OR1L6: variants seen among roughly 807,000 people sequenced by gnomAD.
OR1L6 encodes olfactory receptor 1L6.
A neutral mutation model predicts 3.0 loss-of-function variants in OR1L6; 2 were observed. That is an observed-to-expected ratio of 0.68 (90% CI 0.28 to 2.13). The LOEUF is 2.13. OR1L6 is among the 30% of genes most tolerant of loss of function. OR1L6 has a pLI of 0.14. For missense variants in OR1L6, 304 were observed against 378.4 expected, an observed-to-expected ratio of 0.80 and a Z score of 1.63; for synonymous variants, 121 against 148.4, an observed-to-expected ratio of 0.82 and a Z score of 1.34.
chr9:122,744,817 C>A (rs539333795), intron 1 of OR1L6, among the ~76,000 whole-genome samples: 6 of 152,312 alleles, frequency 3.9e-5, no homozygotes, highest in African/African-American at 1.4e-4. Context: ...TACATGTGTG[C>A]ACCATCATCT....
intron 1 of OR1L6, among the ~76,000 whole-genome samples, chr9:122,745,045 C>T (rs188442602): frequency 1.6e-4 from 24 of 152,242 alleles, no homozygotes; most frequent in African/African-American, 5.5e-4. Flanking sequence ...AAATGTGGAA[C>T]GAACCCAAAG....
chr9:122,744,864 A>C (rs1289207869), intron 1 of OR1L6, among the ~76,000 whole-genome samples: 1 of 152,190 alleles, frequency 6.6e-6, no homozygotes, highest in Non-Finnish European at 1.5e-5. Flanking sequence ...GGCATGAGGA[A>C]AATACATGAT....
chr9:122,746,783 G>A (rs973070541), intron 1 of OR1L6, among the ~76,000 whole-genome samples: 7 of 152,050 alleles, frequency 4.6e-5, no homozygotes, highest in Non-Finnish European at 1.0e-4. Context: ...AGTGAGAATT[G>A]AATTTCAGTC....
chr9:122,743,705 G>A (rs777012849), intron 1 of OR1L6, among the ~76,000 whole-genome samples: 14 of 152,306 alleles, frequency 9.2e-5, no homozygotes, highest in Non-Finnish European at 1.6e-4. Context: ...TTCAAGATCT[G>A]ACAAAGCTGT....
chr9:122,748,737 T>C (rs1186214143), intron 1 of OR1L6, among the ~76,000 whole-genome samples: 1 of 152,196 alleles, frequency 6.6e-6, no homozygotes, highest in Admixed American at 6.5e-5. Flanking sequence ...CTCACAATGA[T>C]CCTATGTATA....
chr9:122,749,993 C>T lies in OR1L6; in HGVS notation c.146C>T (p.Ala49Val), dbSNP rs1385908598. ...AAVGNVLIIP[A>V]IYSDPRLHTP... is the part of the protein sequence containing the mutation. Reference sequence around the variant, plus strand: ...GTGGGGAATGTGCTCATCATCCCGGCCATCTACTCTGACCCCAGGCTCCAC... The same window carrying T: ...GTGGGGAATGTGCTCATCATCCCGGTCATCTACTCTGACCCCAGGCTCCAC... The change falls in exon 2 of 2, where the codon GCC (alanine) becomes GTC (valine). Residue 49 changes from alanine (A) to valine (V), a missense_variant. Physicochemically the swap from Ala to Val is moderately conservative, Grantham distance 64. Coordinates refer to ENST00000304720, the MANE Select transcript of OR1L6 (RefSeq NM_001004453.3). The T allele has an allele frequency of 1.2e-6, 2 of 1,614,042 alleles. No homozygotes were observed. The highest frequency in any genetic ancestry group is 1.7e-6 in the Non-Finnish European group (2 of 1,180,048).
chr9:122,745,042 G>C (rs1050537849), intron 1 of OR1L6, among the ~76,000 whole-genome samples: 7 of 152,182 alleles, frequency 4.6e-5, no homozygotes, highest in Non-Finnish European at 2.9e-5. Context: ...AGGAAATGTG[G>C]AACGAACCCA....
Position 122,750,253 on chromosome 9 carries a change from G to A in OR1L6, c.406G>A (p.Val136Ile), listed in dbSNP as rs991501205. 1 of 1,614,090 alleles carries A rather than the reference G, an allele frequency of 6.2e-7. No individual in the cohort carries two copies. Among genetic ancestry groups the A allele is most frequent in the Admixed American group, 1.7e-5 (1 of 60,006 alleles). The change falls in exon 2 of 2, where the codon GTT (valine) becomes ATT (isoleucine). Residue 136 changes from valine to isoleucine, a missense_variant. This residue lies in a region of OR1L6 where 192 missense variants were observed against 242.7 expected (regional missense o/e 0.79). Transcript: ENST00000304720. ...AICNPLHYDVVMKPRHCLLML... is the reference protein window; with the variant it reads ...AICNPLHYDVIMKPRHCLLML... ...CTGCAACCCCTTACACTATGATGTG[G>A]TTATGAAACCACGGCATTGCCTGCT...
At chr9:122,749,469 T>C (rs913640770) in intron 1 of OR1L6, among the ~76,000 whole-genome samples, 23 of 152,340 alleles carry the variant, frequency 1.5e-4, no homozygotes, top group African/African-American at 5.5e-4. Context: ...GTTGGATTTT[T>C]ACTACCTGTT....
chr9:122,750,749 G>C lies in OR1L6; in HGVS notation c.902G>C (p.Gly301Ala). 1 of 1,610,388 alleles carries C rather than the reference G, an allele frequency of 6.2e-7. No individual in the cohort carries two copies. Among genetic ancestry groups the C allele is most frequent in the Non-Finnish European group, 8.5e-7 (1 of 1,178,976 alleles). The change falls in exon 2 of 2, where the codon GGT (glycine) becomes GCT (alanine). Residue 301 changes from glycine to alanine, a missense_variant. Transcript: ENST00000304720. ...YSLRNKDMKR[G>A]LKKLQDRIYR ...CTGAGGAACAAAGATATGAAGAGGG[G>C]TTTGAAGAAATTACAGGACAGAATT...
intron 1 of OR1L6, among the ~76,000 whole-genome samples, chr9:122,746,104 G>T (rs905443995): frequency 6.6e-6 from 1 of 152,074 alleles, no homozygotes; most frequent in Non-Finnish European, 1.5e-5. Context: ...TCAAAAATGG[G>T]ATTATTCTTT....
Position 122,750,065 on chromosome 9 carries a change from G to A in OR1L6, c.218G>A (p.Cys73Tyr). 8 of 1,614,090 alleles carry A rather than the reference G, an allele frequency of 5.0e-6. No homozygotes were observed. Among genetic ancestry groups the A allele is most frequent in the Non-Finnish European group, 6.8e-6 (8 of 1,180,020 alleles). Residue 73 changes from cysteine (C) to tyrosine (Y), a missense_variant, in exon 2 of 2, where the codon TGC (cysteine) becomes TAC (tyrosine). Physicochemically the swap from Cys to Tyr is radical, Grantham distance 194 (BLOSUM62 -2). This residue lies in a region of OR1L6 where 192 missense variants were observed against 242.7 expected (regional missense o/e 0.79). Coordinates refer to ENST00000304720, the MANE Select transcript of OR1L6 (RefSeq NM_001004453.3). ...FLSNLSFMDI[C>Y]FTTVIVPKML... ...AGCAACTTGTCTTTCATGGATATCT[G>A]CTTCACAACAGTCATAGTGCCTAAG... is the stretch of plus-strand genomic sequence containing the variant.
chr9:122,746,951 AT>A (rs1427184891), intron 1 of OR1L6, among the ~76,000 whole-genome samples: 2 of 152,016 alleles, frequency 1.3e-5, no homozygotes, highest in African/African-American at 4.8e-5. Flanking sequence ...TTATTTTGTC[AT>A]TCTTGTTCTT....
intron 1 of OR1L6, among the ~76,000 whole-genome samples, chr9:122,743,923 A>G (rs1403178344): frequency 2.0e-5 from 3 of 152,184 alleles, no homozygotes; most frequent in Middle Eastern, 3.2e-3. Flanking sequence ...CAGAGGACAC[A>G]CCAGCTTAGT....
rs573644786 is a variant in OR1L6, at chr9:122,747,054, A to T, written c.-13-2781A>T. Among the ~76,000 whole-genome samples the T allele has an allele frequency of 7.4e-4, 112 of 152,080 alleles. 1 individual carries two copies. The highest frequency in any genetic ancestry group is 3.4e-3 in the Middle Eastern group (1 of 294). ...GGCTCAAACTTACTTTGTAGTTTGG[A>T]TTTTTAACTTTTAGGTTGTTCATTT... On this transcript the variant is annotated intron_variant, in intron 1 of 1. Transcript: ENST00000304720.
In OR1L6 at chr9:122,750,614, T is replaced by C. The variant is rs1348088153; in HGVS notation, c.767T>C (p.Ile256Thr). The change falls in exon 2 of 2, where the codon ATT (isoleucine) becomes ACT (threonine). Residue 256 changes from isoleucine (I) to threonine (T), a missense_variant. Ile to Thr is a moderately conservative substitution (Grantham distance 89). Coordinates refer to ENST00000304720, the MANE Select transcript of OR1L6 (RefSeq NM_001004453.3). ...LTAVALFYGS[I>T]IYVYFRPLSM... ...GCAGTAGCCCTTTTCTATGGGAGTA[T>C]TATTTATGTCTATTTTAGGCCCCTG... The C allele has an allele frequency of 6.2e-7, 1 of 1,614,204 alleles. No individual in the cohort carries two copies. Among genetic ancestry groups the C allele is most frequent in the Admixed American group, 1.7e-5 (1 of 60,024 alleles).
rs1433406300 is a variant in OR1L6 at position 122,749,858 on chromosome 9, A to T, written c.11A>T (p.Lys4Met). 6.2e-7 allele frequency: 1 copy of T among 1,614,214 alleles called. No homozygotes were observed. Among genetic ancestry groups the T allele is most frequent in the Non-Finnish European group, 8.5e-7 (1 of 1,180,032 alleles). ...AGGAAGTCCAGAGACATGGAGATAA[A>T]GAACTACAGCAGCAGCACCTCAGGC... is the stretch of plus-strand genomic sequence containing the variant. Reference protein sequence around the residue: MEIKNYSSSTSGFI... With the variant: MEIMNYSSSTSGFI... Residue 4 changes from lysine to methionine, a missense_variant, in exon 2 of 2, where the codon AAG becomes ATG. Transcript: ENST00000304720.
chr9:122,745,268 T>A (rs965421500), intron 1 of OR1L6, among the ~76,000 whole-genome samples: 1 of 152,164 alleles, frequency 6.6e-6, no homozygotes, highest in Non-Finnish European at 1.5e-5. Context: ...GGAAGCATAA[T>A]GAACCATTTA....
intron 1 of OR1L6, among the ~76,000 whole-genome samples, chr9:122,745,400 A>T (rs1408017766): frequency 6.9e-6 from 1 of 144,218 alleles, no homozygotes; most frequent in African/African-American, 2.5e-5. Context: ...GACTATAAAT[A>T]AACACACCTT....
Sources: allele counts gnomAD v4.1 joint callset (sites outside exome capture counted in the v4.1 genomes callset), GRCh38; gene constraint gnomAD v4.1.1; regional missense constraint gnomAD v4.1.1; transcripts MANE v1.5; gene names NCBI Gene and HGNC (gene_info 2026-07-23, HGNC 2026-07-21).